The following AMZ2 variants were observed in gnomAD, a reference collection of about 807,000 sequenced individuals.
AMZ2 encodes archaelysin family metallopeptidase 2.
Under a neutral mutation model 36.7 loss-of-function variants are expected in AMZ2, and 26 were observed. That is an observed-to-expected ratio of 0.71 (90% CI 0.52 to 0.98). AMZ2 has a LOEUF of 0.98. AMZ2 is among the 50% of genes least tolerant of loss of function. The pLI is 0.00. For missense variants in AMZ2, 394 were observed against 430.5 expected (o/e 0.92, Z 0.75); for synonymous variants, 144 against 149.1 (o/e 0.97, Z 0.25).
At chr17:68,233,352 C>T (rs1262846527) in intron 1 of AMZ2, among the ~76,000 whole-genome samples, 35 of 152,000 alleles carry the variant, frequency 2.3e-4, no homozygotes, top group African/African-American at 7.5e-4. Flanking sequence ...CTACTAAAAA[C>T]GTAAAAATTA....
intron 4 of AMZ2, among the ~76,000 whole-genome samples, chr17:68,253,517 A>G (rs1555740936): frequency 1.3e-5 from 2 of 152,176 alleles, no homozygotes; most frequent in Non-Finnish European, 2.9e-5. Context: ...TATTCTGGTC[A>G]CCAGACACTA....
chr17:68,206,307 T>A, intron 1 of AMZ2: 1 of 1,171,152 alleles, frequency 8.5e-7, no homozygotes, highest in Non-Finnish European at 1.1e-6. Flanking sequence ...TGCTCACTCG[T>A]GTGCTGTGCA....
In AMZ2 at chr17:68,235,561, C is replaced by T. The variant is rs560300811; in HGVS notation, c.-66-13079C>T. Among the ~76,000 whole-genome samples, 9 of 152,274 alleles carry T rather than the reference C, an allele frequency of 5.9e-5. No homozygotes were observed. The highest frequency in any genetic ancestry group is 5.2e-4 in the Admixed American group (8 of 15,290). ...CACTGCAAAGTAGGTTGGCTTCCCC[C>T]TTACGGAGCCCCTATCCGGGACAGC... On this transcript the variant is annotated intron_variant, in intron 1 of 7. Transcript: ENST00000674770. The surrounding 1 kb of genome is among the most constrained non-coding windows in gnomAD (Gnocchi z 4.2).
chr17:68,209,614 A>G lies in AMZ2; in HGVS notation c.-67+3376A>G, dbSNP rs1214845124. 1.4e-4 allele frequency among the ~76,000 whole-genome samples: 11 copies of G among 77,726 alleles called. 1 individual carries two copies. Among genetic ancestry groups the G allele is most frequent in the African/African-American group, 4.5e-4 (8 of 17,812 alleles). 51.0% of individuals were successfully genotyped at this position (77,726 alleles called of 152,430 possible). On this transcript the variant is annotated intron_variant, in intron 1 of 7. Transcript: ENST00000674770. ...TGTGTGTGTGTGTGTGTATATGTAT[A>G]TATATATATATATATATATTTTTTT...
At chr17:68,218,345 A>G (rs576888811) in intron 1 of AMZ2, among the ~76,000 whole-genome samples, 158 of 150,882 alleles carry the variant, frequency 1.0e-3, no homozygotes, top group Non-Finnish European at 2.2e-3. Context: ...CTACGTGAAC[A>G]CAGCATTATG....
intron 1 of AMZ2, among the ~76,000 whole-genome samples, chr17:68,222,405 C>T (rs1450510228): frequency 2.0e-5 from 3 of 152,216 alleles, no homozygotes; most frequent in South Asian, 2.1e-4. Flanking sequence ...TGGTCCCCAA[C>T]CTTTTTGGCA....
intron 1 of AMZ2, among the ~76,000 whole-genome samples, chr17:68,213,497 A>G (rs141940406): frequency 1.3e-3 from 198 of 152,262 alleles, no homozygotes; most frequent in African/African-American, 4.3e-3. Flanking sequence ...GAGAGTAGAA[A>G]CTTTATCAAT....
chr17:68,213,228 G>C (rs1395854029), intron 1 of AMZ2, among the ~76,000 whole-genome samples: 1 of 152,198 alleles, frequency 6.6e-6, no homozygotes, highest in African/African-American at 2.4e-5. Context: ...TGCTGTGCAC[G>C]CTGAACGCCA....
At position 68,250,536 on chromosome 17, in the gene AMZ2, A is replaced by G. The variant is rs2074375480; in HGVS notation, c.283+66A>G. 9 of 1,558,670 alleles carry G rather than the reference A, an allele frequency of 5.8e-6. No individual in the cohort carries two copies. The South Asian group carries it at 9.5e-5, about 17-fold the overall frequency. On this transcript the variant is annotated intron_variant, in intron 2 of 6. Transcript: ENST00000359904. Reference sequence around the variant, plus strand: ...GTGGCGCTCTTGTCAGGAATAGTCCAGGCTATGGGTCTGATTCAGATGGGC... The same window carrying G: ...GTGGCGCTCTTGTCAGGAATAGTCCGGGCTATGGGTCTGATTCAGATGGGC...
rs138257298 is a variant in AMZ2, at chr17:68,211,240, C to T, written c.-67+5002C>T. On this transcript the variant is annotated intron_variant, in intron 1 of 7. Transcript: ENST00000674770. ...GGAATTGGCCGGGCACGGTGGCTCA[C>T]GCCTGTAATCCCAGCGCTTTGGGAG... is the stretch of plus-strand genomic sequence containing the variant. Among the ~76,000 whole-genome samples, 1,297 of 152,126 alleles carry T rather than the reference C, an allele frequency of 8.5e-3. 12 individuals are homozygous for T. The highest frequency in any genetic ancestry group is 0.03 in the African/African-American group (1,241 of 41,498).
intron 1 of AMZ2, among the ~76,000 whole-genome samples, chr17:68,210,747 A>G (rs1411920264): frequency 5.3e-5 from 8 of 152,092 alleles, no homozygotes; most frequent in Non-Finnish European, 5.9e-5. Context: ...CAGGAGTTCA[A>G]GATCAGCCTG....
In AMZ2 at chr17:68,248,144, G is replaced by C. The variant is rs1165919596; in HGVS notation, c.-562G>C. On this transcript the variant is annotated 5_prime_UTR_variant, in exon 1 of 7. Coordinates refer to ENST00000359904, the MANE Select transcript of AMZ2 (RefSeq NM_016627.5). ...GGTTCGCGGGTGCTGTCAGAGCTGG[G>C]CCGGGGCCCCTAGGCAGGGTAGCCG... 10 of 986,480 alleles carry C rather than the reference G, an allele frequency of 1.0e-5. No homozygotes were observed. The highest frequency in any genetic ancestry group is 6.1e-5 in the Admixed American group (1 of 16,278). 61.1% of individuals were successfully genotyped at this position (986,480 alleles called of 1,614,324 possible).
chr17:68,255,661 A>T (rs113321532), intron 5 of AMZ2, 39 bp from the exon 6 acceptor site: 5 of 1,592,520 alleles, frequency 3.1e-6, no homozygotes, highest in Non-Finnish European at 4.3e-6. Flanking sequence ...GCCTAATGTG[A>T]TGGTGGTCTT....
intron 1 of AMZ2, among the ~76,000 whole-genome samples, chr17:68,210,316 C>T (rs1340132404): frequency 5.9e-5 from 9 of 152,160 alleles, no homozygotes; most frequent in African/African-American, 2.2e-4. Context: ...AATGGATAAC[C>T]CAAATGTGAT....
At chr17:68,209,165 A>G (rs1440912854) in intron 1 of AMZ2, among the ~76,000 whole-genome samples, 2 of 151,740 alleles carry the variant, frequency 1.3e-5, no homozygotes, top group East Asian at 3.9e-4. Context: ...AGAAAGGACT[A>G]CATGTAAATT....
chr17:68,239,498 T>A (rs2073858723), intron 1 of AMZ2, among the ~76,000 whole-genome samples: 1 of 152,238 alleles, frequency 6.6e-6, no homozygotes, highest in Admixed American at 6.5e-5. Context: ...TCTTAATGTC[T>A]TCTCGTGTTA....
chr17:68,239,315 C>T (rs1188031493), intron 1 of AMZ2, among the ~76,000 whole-genome samples: 1 of 152,184 alleles, frequency 6.6e-6, no homozygotes, highest in African/African-American at 2.4e-5. Context: ...CTCTGGGCTG[C>T]TTGCCTGCTG....
intron 1 of AMZ2, among the ~76,000 whole-genome samples, chr17:68,225,203 A>G (rs1169533211): frequency 6.6e-6 from 1 of 152,024 alleles, no homozygotes; most frequent in African/African-American, 2.4e-5. Flanking sequence ...AAAAACAAAA[A>G]CAAAACTGGA....
intron 1 of AMZ2, 76 bp from the exon 2 acceptor site, chr17:68,250,112 T>C: frequency 6.8e-7 from 1 of 1,466,330 alleles, no homozygotes; most frequent in South Asian, 1.3e-5. Flanking sequence ...AAATCAGAGC[T>C]GAAATATAGA....
Sources: gnomAD v4.1 joint callset for allele counts (sites outside exome capture counted in the v4.1 genomes callset) on GRCh38, gnomAD v4.1.1 for gene constraint, Gnocchi (gnomAD v3.1) non-coding constraint, MANE v1.5 for transcripts, NCBI Gene and HGNC (gene_info 2026-07-23, HGNC 2026-07-21) for gene names.